The following SHISA9 variants were observed in gnomAD, a reference collection of about 807,000 sequenced individuals.
The protein encoded by SHISA9 is shisa family member 9.
SHISA9 carries 13 observed loss-of-function variants against 38.0 expected under a neutral mutation model. The observed-to-expected ratio is 0.34, with a 90% CI of 0.22 to 0.54. SHISA9 has a LOEUF of 0.54. Ranked by LOEUF, SHISA9 falls within the 20% of genes least tolerant of loss-of-function variation. The pLI is 0.91. For synonymous variants in SHISA9, 275 were observed against 242.0 expected (o/e 1.14, Z -1.27); for missense variants, 538 against 575.8 (o/e 0.93, Z 0.67).
intron 2 of SHISA9, among the ~76,000 whole-genome samples, chr16:12,970,469 G>GTATATATA: frequency 1.4e-3 from 33 of 24,046 alleles, no homozygotes; most frequent in African/African-American, 4.5e-3. Flanking sequence ...ATATGTGTGT[G>GTATATATA]TATATATATA....
chr16:13,378,766 A>T, the SHISA9 span, among the ~76,000 whole-genome samples: 1 of 152,216 alleles, frequency 6.6e-6, no homozygotes, highest in African/African-American at 2.4e-5. Context: ...TAACCGATCA[A>T]TATTGTACAT....
At chr16:13,168,629 G>T (rs1297803741) in intron 2 of SHISA9, among the ~76,000 whole-genome samples, 1 of 152,168 alleles carries the variant, frequency 6.6e-6, no homozygotes, top group Non-Finnish European at 1.5e-5. Context: ...CCTAGAGAAA[G>T]CTGGCCAGAA....
At chr16:13,048,585 C>A (rs2073213901) in intron 2 of SHISA9, among the ~76,000 whole-genome samples, 1 of 152,150 alleles carries the variant, frequency 6.6e-6, no homozygotes, top group South Asian at 2.1e-4. Context: ...CCACACCTGG[C>A]TAATTTTTGT....
At chr16:12,916,557 AC>A in intron 1 of SHISA9, 130 bp from the exon 2 acceptor site, 1 of 1,089,590 alleles carries the variant, frequency 9.2e-7, no homozygotes, top group South Asian at 1.8e-5. Context: ...TCTCTACTCC[AC>A]CCCTAACTAG....
At chr16:13,098,229 C>T (rs1343047311) in intron 2 of SHISA9, among the ~76,000 whole-genome samples, 1 of 152,172 alleles carries the variant, frequency 6.6e-6, no homozygotes, top group African/African-American at 2.4e-5. Context: ...CAAGCAACAA[C>T]TTCTTTGAAC....
intron 2 of SHISA9, among the ~76,000 whole-genome samples, chr16:12,959,921 C>A (rs1251365629): frequency 1.3e-5 from 2 of 152,134 alleles, no homozygotes; most frequent in Non-Finnish European, 2.9e-5. Context: ...AATTAATAAC[C>A]AGCCACACAA....
At chr16:12,908,461 C>T in intron 1 of SHISA9, 1 of 1,551,624 alleles carries the variant, frequency 6.4e-7, no homozygotes, top group Non-Finnish European at 8.7e-7. Context: ...AATTTCATAC[C>T]CTTCCCCCAT....
At chr16:13,267,837 T>C in the SHISA9 span, among the ~76,000 whole-genome samples, 1 of 151,148 alleles carries the variant, frequency 6.6e-6, no homozygotes, top group Non-Finnish European at 1.5e-5. Context: ...CAGGTATTTG[T>C]ACATTGCCTG....
At chr16:12,970,479 A>G (rs2072060893) in intron 2 of SHISA9, among the ~76,000 whole-genome samples, 1 of 19,460 alleles carries the variant, frequency 5.1e-5, no homozygotes, top group African/African-American at 1.9e-4. Flanking sequence ...GTATATATAT[A>G]TATATATATA....
the SHISA9 span, among the ~76,000 whole-genome samples, chr16:13,456,786 C>T: frequency 3.3e-5 from 5 of 152,276 alleles, no homozygotes; most frequent in Admixed American, 1.3e-4. Context: ...GTGATCAAGC[C>T]CCAGTAAAAA....
At chr16:13,381,186 A>G in the SHISA9 span, among the ~76,000 whole-genome samples, 2 of 152,158 alleles carry the variant, frequency 1.3e-5, no homozygotes, top group African/African-American at 2.4e-5. Context: ...TTTGAAGAGA[A>G]GCCCCTAGAT....
the SHISA9 span, among the ~76,000 whole-genome samples, chr16:13,327,333 T>C: frequency 6.6e-6 from 1 of 152,114 alleles, no homozygotes; most frequent in African/African-American, 2.4e-5. Context: ...TGAAAAGGCA[T>C]AGCCACGTGC....
chr16:13,008,983 G>A (rs2072636672), intron 2 of SHISA9, among the ~76,000 whole-genome samples: 1 of 152,046 alleles, frequency 6.6e-6, no homozygotes, highest in Non-Finnish European at 1.5e-5. Flanking sequence ...CAGTTCCAAA[G>A]TCTTTGTCAA....
At chr16:13,178,843 TTGTTG>T in intron 2 of SHISA9, among the ~76,000 whole-genome samples, 1 of 69,142 alleles carries the variant, frequency 1.4e-5, no homozygotes, top group African/African-American at 7.5e-5. Context: ...GGCCAGGTTT[TTGTTG>T]TTGTTGTTGT....
chr16:12,948,778 G>A (rs1008505246), intron 2 of SHISA9, among the ~76,000 whole-genome samples: 1 of 152,156 alleles, frequency 6.6e-6, no homozygotes, highest in African/African-American at 2.4e-5. Flanking sequence ...GTATGAAGCT[G>A]GGGTGGGACA....
At chr16:12,968,530 G>A (rs910931746) in intron 2 of SHISA9, among the ~76,000 whole-genome samples, 6 of 152,186 alleles carry the variant, frequency 3.9e-5, no homozygotes, top group Admixed American at 2.6e-4. Flanking sequence ...ATCAATGGCT[G>A]AATGAATAAA....
Position 13,007,541 on chromosome 16 carries a change from C to T in SHISA9, c.691+90726C>T, listed in dbSNP as rs1294253445. 3.3e-5 allele frequency among the ~76,000 whole-genome samples: 5 copies of T among 152,286 alleles called. No homozygotes were observed. In the East Asian group the frequency reaches 7.7e-4, roughly 24 times the overall value. On this transcript the variant is annotated intron_variant, in intron 2 of 4. Transcript: ENST00000558583. ...AGCCAGAGGAATCTAAGATCCCAACCGTGTCATATTTTTTCATTACTGAAA... is the reference window on the plus strand; with the variant it reads ...AGCCAGAGGAATCTAAGATCCCAACTGTGTCATATTTTTTCATTACTGAAA...
chr16:13,290,142 T>C, the SHISA9 span, among the ~76,000 whole-genome samples: 86 of 152,284 alleles, frequency 5.6e-4, 1 homozygote, highest in East Asian at 0.012. Flanking sequence ...AATGTAAAAA[T>C]TTAGAGCCCA....
At chr16:12,968,115 C>G (rs138847597) in intron 2 of SHISA9, among the ~76,000 whole-genome samples, 67 of 137,378 alleles carry the variant, frequency 4.9e-4, no homozygotes, top group African/African-American at 1.6e-3. Context: ...AGTTGAATCC[C>G]AGAGGCAAAG....
Sources: allele counts gnomAD v4.1 joint callset (sites outside exome capture counted in the v4.1 genomes callset), GRCh38; gene constraint gnomAD v4.1.1; transcripts MANE v1.5; gene names NCBI Gene and HGNC (gene_info 2026-07-23, HGNC 2026-07-21).